The following AUTS2 variants were observed in gnomAD, a reference collection of about 807,000 sequenced individuals.
AUTS2 encodes autism susceptibility gene 2 protein.
In AUTS2, 17 loss-of-function variants were observed where a neutral mutation model predicts 112.4. That is an observed-to-expected ratio of 0.15 (90% confidence interval 0.10 to 0.23). The LOEUF (loss-of-function observed/expected upper bound fraction) is 0.23, where lower values mean the gene tolerates loss of function less well. AUTS2 is among the 10% of genes least tolerant of loss of function. AUTS2 has a pLI of 1.00. For synonymous variants in AUTS2, 751 were observed against 702.7 expected (o/e 1.07, Z -1.09); for missense variants, 1,510 against 1,701.6 (o/e 0.89, Z 1.98).
intron 6 of AUTS2, among the ~76,000 whole-genome samples, chr7:70,724,443 CTTT>C (rs71077675): frequency 3.0e-5 from 3 of 101,382 alleles, no homozygotes; most frequent in East Asian, 4.0e-4. Context: ...TTCATCCTGA[CTTT>C]TTTTTTTTTT....
chr7:69,896,686 A>C (rs2129540083), intron 1 of AUTS2, among the ~76,000 whole-genome samples: 1 of 152,292 alleles, frequency 6.6e-6, no homozygotes, highest in Middle Eastern at 3.4e-3. Flanking sequence ...TTATTGACTA[A>C]TACATTGGCC....
chr7:70,282,908 C>A (rs1224821541), intron 4 of AUTS2, among the ~76,000 whole-genome samples: 1 of 152,128 alleles, frequency 6.6e-6, no homozygotes, highest in African/African-American at 2.4e-5. Flanking sequence ...ATTTTACAGG[C>A]ATTGCTACCT....
intron 4 of AUTS2, among the ~76,000 whole-genome samples, chr7:70,255,168 G>T (rs1000437305): frequency 1.3e-5 from 2 of 150,456 alleles, no homozygotes; most frequent in African/African-American, 4.9e-5. Context: ...ATGCCTCCTG[G>T]GTTCAGGGGA....
At chr7:69,787,854 C>CATTG (rs1554370965) in intron 1 of AUTS2, among the ~76,000 whole-genome samples, 15 of 152,058 alleles carry the variant, frequency 9.9e-5, no homozygotes, top group African/African-American at 3.6e-4. Flanking sequence ...GGCTTACAGG[C>CATTG]GTTGAGCCAC....
intron 2 of AUTS2, among the ~76,000 whole-genome samples, chr7:70,049,886 A>C (rs1801669076): frequency 2.0e-5 from 3 of 152,054 alleles, no homozygotes; most frequent in African/African-American, 7.2e-5. Flanking sequence ...TGTGTGTAAA[A>C]CATATATATG....
intron 11 of AUTS2, among the ~76,000 whole-genome samples, chr7:70,772,321 C>T (rs560559376): frequency 6.6e-6 from 1 of 152,356 alleles, no homozygotes; most frequent in South Asian, 2.1e-4. Flanking sequence ...AAATTCTGTT[C>T]TACCTAGTCA....
chr7:70,138,316 T>G (rs2129575172), intron 4 of AUTS2, among the ~76,000 whole-genome samples: 1 of 152,358 alleles, frequency 6.6e-6, no homozygotes, highest in Admixed American at 6.5e-5. Context: ...CATTTCGTGT[T>G]GGCCAGTGGT....
chr7:69,626,891 G>C (rs1013335903), intron 1 of AUTS2, among the ~76,000 whole-genome samples: 1 of 152,162 alleles, frequency 6.6e-6, no homozygotes, highest in African/African-American at 2.4e-5. Flanking sequence ...TCTTTGGTCT[G>C]TTGAATTAGT....
At chr7:69,796,472 A>C (rs1268820137) in intron 1 of AUTS2, among the ~76,000 whole-genome samples, 2 of 151,634 alleles carry the variant, frequency 1.3e-5, no homozygotes, top group Admixed American at 6.6e-5. Context: ...GCAGTGAGCC[A>C]TGATTGTGCC....
chr7:69,869,383 T>C (rs1023501284), intron 1 of AUTS2, among the ~76,000 whole-genome samples: 8 of 152,102 alleles, frequency 5.3e-5, no homozygotes, highest in African/African-American at 1.9e-4. Context: ...TATATTTTAT[T>C]TCTGATTTGA....
intron 1 of AUTS2, among the ~76,000 whole-genome samples, chr7:69,676,569 A>G (rs927262464): frequency 6.6e-6 from 1 of 152,236 alleles, no homozygotes; most frequent in Admixed American, 6.5e-5. Context: ...AACTATGGCA[A>G]GGTATCTTGA....
intron 5 of AUTS2, among the ~76,000 whole-genome samples, chr7:70,669,082 C>T (rs551519842): frequency 6.6e-5 from 10 of 152,178 alleles, no homozygotes; most frequent in Non-Finnish European, 1.3e-4. Context: ...GAAATGTATT[C>T]GTGCCCCTAC....
chr7:70,579,165 G>T (rs1191093557), intron 5 of AUTS2, among the ~76,000 whole-genome samples: 1 of 142,736 alleles, frequency 7.0e-6, no homozygotes, highest in African/African-American at 2.6e-5. Context: ...CTGAGCTAAA[G>T]CAATCCACCC....
chr7:70,451,057 C>G (rs975016046), intron 5 of AUTS2, among the ~76,000 whole-genome samples: 1 of 152,118 alleles, frequency 6.6e-6, no homozygotes, highest in Non-Finnish European at 1.5e-5. Flanking sequence ...AATTTTAGTT[C>G]AGTGTCTGGG....
chr7:70,516,155 A>G (rs942431608), intron 5 of AUTS2, among the ~76,000 whole-genome samples: 4 of 152,224 alleles, frequency 2.6e-5, no homozygotes, highest in Non-Finnish European at 4.4e-5. Flanking sequence ...GATTGAACAG[A>G]GAGACAGTAA....
chr7:69,701,757 A>G (rs988990029), intron 1 of AUTS2, among the ~76,000 whole-genome samples: 1 of 152,204 alleles, frequency 6.6e-6, no homozygotes, highest in Non-Finnish European at 1.5e-5. Context: ...AGCTTGAGGT[A>G]TTATTATCTC....
intron 1 of AUTS2, among the ~76,000 whole-genome samples, chr7:69,896,647 T>G (rs1794754538): frequency 6.6e-6 from 1 of 152,176 alleles, no homozygotes. Context: ...TTTGGATGTT[T>G]TAACTAGTTG....
intron 2 of AUTS2, among the ~76,000 whole-genome samples, chr7:70,023,221 G>A (rs909020417): frequency 3.9e-5 from 6 of 152,304 alleles, no homozygotes; most frequent in Middle Eastern, 6.8e-3. Flanking sequence ...AATAAATGCA[G>A]CTTAATTTCT....
chr7:70,167,501 A>G (rs983271099), intron 4 of AUTS2, among the ~76,000 whole-genome samples: 2 of 152,238 alleles, frequency 1.3e-5, no homozygotes, highest in Admixed American at 6.5e-5. Context: ...CCTCACATTG[A>G]TAGAACAAGT....
Sources: gnomAD v4.1 joint callset for allele counts (sites outside exome capture counted in the v4.1 genomes callset) on GRCh38, gnomAD v4.1.1 for gene constraint, MANE v1.5 for transcripts, NCBI Gene and HGNC (gene_info 2026-07-23, HGNC 2026-07-21) for gene names.